ABCB1: variants seen among roughly 807,000 people sequenced by gnomAD.
The protein encoded by ABCB1 is ATP-dependent translocase ABCB1.
Under a neutral mutation model 142.0 loss-of-function variants are expected in ABCB1, and 69 were observed. The ratio of observed to expected loss-of-function variants is 0.49; its 90% CI spans 0.40 to 0.59. The LOEUF is 0.59. Among genes scored for constraint, ABCB1 ranks in the 20% least tolerant of loss-of-function variants. The probability of loss-of-function intolerance (pLI) is 0.00; values close to 1 mark genes in which losing one functional copy is unlikely to be tolerated. For synonymous variants in ABCB1, 532 were observed against 539.2 expected (o/e 0.99, Z 0.18); for missense variants, 1,326 against 1,554.7 (o/e 0.85, Z 2.47).
In ABCB1 at chr7:87,553,861, C is replaced by T. The variant is rs768339438; in HGVS notation, c.899G>A (p.Gly300Asp). 6.2e-7 allele frequency: 1 copy of T among 1,614,022 alleles called. No homozygotes were observed. Among genetic ancestry groups the T allele is most frequent in the South Asian group, 1.1e-5 (1 of 91,072 alleles). The change falls in exon 9 of 28, where the codon GGT becomes GAT. Residue 300 changes from glycine (G) to aspartate (D), a missense_variant. Coordinates refer to ENST00000622132, the MANE Select transcript of ABCB1 (RefSeq NM_001348946.2). ...TGCATAGATCAGCAGGAAAGCAGCA[C>T]CTATAGAAATATTGGCTGTAATAGC... ...KKAITANISI[G>D]AAFLLIYASY...
At chr7:87,527,213 C>A (rs1330422851) in intron 21 of ABCB1, among the ~76,000 whole-genome samples, 2 of 152,092 alleles carry the variant, frequency 1.3e-5, no homozygotes, top group Admixed American at 1.3e-4. Context: ...AGCTCTGATC[C>A]TTAATCTTAC....
chr7:87,580,210 T>G (rs920943897), intron 4 of ABCB1, among the ~76,000 whole-genome samples: 8 of 152,220 alleles, frequency 5.3e-5, no homozygotes, highest in Non-Finnish European at 4.4e-5. Flanking sequence ...AGAACTCCCT[T>G]TAGCATTTCT....
intron 1 of ABCB1, among the ~76,000 whole-genome samples, chr7:87,691,256 T>G (rs1827990888): frequency 2.0e-5 from 3 of 152,198 alleles, no homozygotes; most frequent in Non-Finnish European, 4.4e-5. Flanking sequence ...GAAAAGTACA[T>G]ACTTCTTGGG....
chr7:87,649,430 T>G (rs1317573604), intron 1 of ABCB1, among the ~76,000 whole-genome samples: 1 of 152,122 alleles, frequency 6.6e-6, no homozygotes, highest in Non-Finnish European at 1.5e-5. Context: ...AGATGAAGAT[T>G]GAAAACACAA....
chr7:87,584,576 T>C (rs1818652271), intron 4 of ABCB1, among the ~76,000 whole-genome samples: 1 of 152,122 alleles, frequency 6.6e-6, no homozygotes, highest in African/African-American at 2.4e-5. Context: ...AAAGAATATG[T>C]ATGTTACACC....
At position 87,549,474 on chromosome 7, in the gene ABCB1, A is replaced by G. The variant is rs1816950951; in HGVS notation, c.1599T>C (p.Gly533=). Residue 533 remains glycine (G), a synonymous_variant, in exon 14 of 28, where the codon GGT becomes GGC. Coordinates refer to ENST00000622132, the MANE Select transcript of ABCB1 (RefSeq NM_001348946.2). ...LVGERGAQLS[G]GQKQRIAIAR... is the part of the protein sequence containing the mutation. The stretch of plus-strand genomic sequence containing the variant: ...CAATGGCGATCCTCTGCTTCTGCCC[A>G]CCACTCAACTGGGCCCCTCTCTCTC... 1 of 1,614,154 alleles carries G rather than the reference A, an allele frequency of 6.2e-7. No individual in the cohort carries two copies. Among genetic ancestry groups the G allele is most frequent in the Non-Finnish European group, 8.5e-7 (1 of 1,180,028 alleles).
Position 87,550,476 on chromosome 7 carries a change from C to T in ABCB1, c.1216G>A (p.Glu406Lys), listed in dbSNP as rs200870777. ...NVHFSYPSRK[E>K]VKILKGLNLK... ...ATCATTTATCACTGTACCTTAACTT[C>T]TTTTCGAGATGGGTAACTGAAGTGA... The change falls in exon 11 of 28, where the codon GAA becomes AAA. Residue 406 changes from glutamate (E) to lysine (K), a missense_variant. Glu to Lys is a moderately conservative substitution (Grantham distance 56). Transcript: ENST00000622132. 2.5e-6 allele frequency: 4 copies of T among 1,612,692 alleles called. No homozygotes were observed. Among genetic ancestry groups the T allele is most frequent in the South Asian group, 1.1e-5 (1 of 91,076 alleles).
intron 21 of ABCB1, among the ~76,000 whole-genome samples, chr7:87,527,553 T>C (rs1815841173): frequency 6.6e-6 from 1 of 152,164 alleles, no homozygotes; most frequent in African/African-American, 2.4e-5. Context: ...GTCATGACTT[T>C]TCTCTGCTTG....
At chr7:87,573,009 C>T (rs536173725) in intron 4 of ABCB1, among the ~76,000 whole-genome samples, 112 of 152,274 alleles carry the variant, frequency 7.4e-4, no homozygotes, top group Non-Finnish European at 1.3e-3. Context: ...ACACATTTAC[C>T]TATGTAACTA....
At chr7:87,596,695 G>C (rs900376802) in intron 2 of ABCB1, among the ~76,000 whole-genome samples, 1 of 151,950 alleles carries the variant, frequency 6.6e-6, no homozygotes, top group Non-Finnish European at 1.5e-5. Flanking sequence ...ATTCATCTTT[G>C]TCTTTGTTCT....
intron 4 of ABCB1, among the ~76,000 whole-genome samples, chr7:87,583,165 A>C (rs935469473): frequency 1.3e-5 from 2 of 152,198 alleles, no homozygotes; most frequent in Non-Finnish European, 2.9e-5. Context: ...ACAGTAACTA[A>C]TATTTGTTGA....
At chr7:87,652,774 G>A (rs1823715039) in intron 1 of ABCB1, among the ~76,000 whole-genome samples, 2 of 151,420 alleles carry the variant, frequency 1.3e-5, no homozygotes, top group East Asian at 3.9e-4. Flanking sequence ...TTTACTTTTG[G>A]AGAAGTCATG....
At chr7:87,521,441 T>C in intron 21 of ABCB1, 1 of 694,892 alleles carries the variant, frequency 1.4e-6, no homozygotes, top group Non-Finnish European at 2.6e-6. Context: ...ATCCTTAAAG[T>C]CTCTCTTTCC....
intron 1 of ABCB1, among the ~76,000 whole-genome samples, chr7:87,681,630 G>T (rs1826939625): frequency 2.0e-5 from 3 of 150,542 alleles, no homozygotes. Context: ...TTACCTTTTT[G>T]CTGGTGGAGG....
At chr7:87,712,921 T>C (rs1830216634) in intron 1 of ABCB1, among the ~76,000 whole-genome samples, 1 of 152,114 alleles carries the variant, frequency 6.6e-6, no homozygotes, top group Admixed American at 6.6e-5. Flanking sequence ...TTTGGAACTC[T>C]TAAGAAAGGA....
In ABCB1 at chr7:87,550,740, G is replaced by A. The variant is rs200671728; in HGVS notation, c.1098C>T (p.Phe366=). ...ANARGAAYEI[F]KIIDNKPSID... ...TCAGACTTACATTATCAATTATCTT[G>A]AAGATTTCATAAGCTGCTCCTCTTG... The change falls in exon 10 of 28, where the codon TTC becomes TTT. Residue 366 remains phenylalanine (F), a synonymous_variant. Transcript: ENST00000622132. 1.2e-6 allele frequency: 2 copies of A among 1,612,216 alleles called. No individual in the cohort carries two copies. Among genetic ancestry groups the A allele is most frequent in the Non-Finnish European group, 1.7e-6 (2 of 1,178,398 alleles).
chr7:87,595,839 T>C (rs1563068552), intron 2 of ABCB1, 25 bp from the exon 3 acceptor site: 1 of 1,580,450 alleles, frequency 6.3e-7, no homozygotes, highest in Non-Finnish European at 8.7e-7. Context: ...TGGAATTACA[T>C]AAAACTTTAA....
rs766133333 is a variant in ABCB1, at chr7:87,509,494, G to T, written c.3283-13C>A. The stretch of plus-strand genomic sequence containing the variant: ...TGCCATCAAGCAGCTGAAAACAAGA[G>T]TTCACAGATCAACTTCAGGACCAGC... On this transcript the variant is annotated splice_polypyrimidine_tract_variant and intron_variant, in intron 25 of 27. Coordinates refer to ENST00000622132, the MANE Select transcript of ABCB1 (RefSeq NM_001348946.2). 1.9e-6 allele frequency: 3 copies of T among 1,613,290 alleles called. No homozygotes were observed. The highest frequency in any genetic ancestry group is 2.5e-6 in the Non-Finnish European group (3 of 1,179,792).
intron 1 of ABCB1, chr7:87,629,137 G>T: frequency 4.4e-6 from 2 of 451,308 alleles, no homozygotes; most frequent in Non-Finnish European, 7.4e-6. Context: ...CGCAGCCCTG[G>T]ACTTTGTGTC....
Sources: gnomAD v4.1 joint callset for allele counts (sites outside exome capture counted in the v4.1 genomes callset) on GRCh38, gnomAD v4.1.1 for gene constraint, MANE v1.5 for transcripts, NCBI Gene and HGNC (gene_info 2026-07-23, HGNC 2026-07-21) for gene names.